COL7A1: variants seen among roughly 807,000 people sequenced by gnomAD.
COL7A1 encodes collagen alpha-1(VII) chain.
A neutral mutation model predicts 456.2 loss-of-function variants in COL7A1; 296 were observed. The ratio of observed to expected loss-of-function variants is 0.65; its 90% confidence interval spans 0.59 to 0.71. The LOEUF is 0.71. COL7A1 is among the 30% of genes least tolerant of loss of function. COL7A1 has a pLI of 0.00. For missense variants in COL7A1, 3,441 were observed against 4,017.2 expected (o/e 0.86, Z 3.88); for synonymous variants, 1,464 against 1,525.9 (o/e 0.96, Z 0.95).
In COL7A1 at chr3:48,592,786, C is replaced by T. The variant is rs777260484; in HGVS notation, c.835G>A (p.Glu279Lys). ...TCCTGACATCCTACCTCCTGCCGCT[C>T]ACTCGGCAGTGGCTGTCCCAGCCCC... ...LTGLGQPLPSERQEVNVPAGE... is the reference protein window; with the variant it reads ...LTGLGQPLPSKRQEVNVPAGE... Residue 279 changes from glutamate (E) to lysine (K), a missense_variant, in exon 7 of 119, where the codon GAG (glutamate) becomes AAG (lysine). Physicochemically the swap from Glu to Lys is moderately conservative, Grantham distance 56. Around this residue, in one of 3 missense-constraint regions of COL7A1, gnomAD observed 913 missense variants for 1,088.2 expected, o/e 0.84. Coordinates refer to ENST00000681320, the MANE Select transcript of COL7A1 (RefSeq NM_000094.4). The surrounding 1 kb of genome is among the most constrained non-coding windows in gnomAD (Gnocchi z 7.6). 1.2e-6 allele frequency: 2 copies of T among 1,613,806 alleles called. No individual in the cohort carries two copies. Among genetic ancestry groups the T allele is most frequent in the South Asian group, 2.2e-5 (2 of 91,080 alleles).
rs2107691767 is a variant in COL7A1, at chr3:48,578,422, A to T, written c.5487+31T>A. On this transcript the variant is annotated intron_variant, in intron 64 of 118. Transcript: ENST00000681320. The surrounding 1 kb of genome is among the most constrained non-coding windows in gnomAD (Gnocchi z 4.7). ...GGATCGGGTGAGGGTAGTAAGGGGG[A>T]AAAGGGGGTAACATGAAAGTCTGGT... The T allele has an allele frequency of 6.2e-7, 1 of 1,613,366 alleles. No homozygotes were observed. Among genetic ancestry groups the T allele is most frequent in the Non-Finnish European group, 8.5e-7 (1 of 1,179,950 alleles).
rs776407277 is a variant in COL7A1 at position 48,580,679 on chromosome 3, G to T, written c.4981-27C>A. On this transcript the variant is annotated intron_variant, in intron 54 of 118. Transcript: ENST00000681320. The surrounding 1 kb of genome is among the most constrained non-coding windows in gnomAD (Gnocchi z 4.5). ...TAAGAAGAGCAGCTGGCCTGAGACA[G>T]ACCCTCCCAATATTTTGCAGGTGCC... The T allele has an allele frequency of 3.2e-5, 52 of 1,612,678 alleles. No homozygotes were observed. Among genetic ancestry groups the T allele is most frequent in the Middle Eastern group, 1.7e-4 (1 of 6,044 alleles).
At position 48,584,958 on chromosome 3, in the gene COL7A1, G is replaced by A. The variant is rs2045128498; in HGVS notation, c.3976-13C>T. 3.1e-6 allele frequency: 5 copies of A among 1,613,728 alleles called. No individual in the cohort carries two copies. The highest frequency in any genetic ancestry group is 4.2e-6 in the Non-Finnish European group (5 of 1,179,990). On this transcript the variant is annotated splice_polypyrimidine_tract_variant and intron_variant, in intron 33 of 118. Transcript: ENST00000681320. ...ACCCTGGAGAGCCCTGCAAATGGAG[G>A]CCAGAGGCAGAACAGTCGGAGCCAC...
Position 48,594,037 on chromosome 3 carries a change from C to G in COL7A1, c.266+331G>C, listed in dbSNP as rs967998331. ...GGCCAGATGGAGCACCTCTGGTGAACGGCTGCAAGGGTTAGAGGGCTAGAA... is the reference window on the plus strand; with the variant it reads ...GGCCAGATGGAGCACCTCTGGTGAAGGGCTGCAAGGGTTAGAGGGCTAGAA... On this transcript the variant is annotated intron_variant, in intron 3 of 118. Transcript: ENST00000681320. The surrounding 1 kb of genome is among the most constrained non-coding windows in gnomAD (Gnocchi z 5.5). Among the ~76,000 whole-genome samples, 5 of 152,316 alleles carry G rather than the reference C, an allele frequency of 3.3e-5. No homozygotes were observed. Among genetic ancestry groups the G allele is most frequent in the Middle Eastern group, 3.4e-3 (1 of 294 alleles).
chr3:48,590,566 G>A lies in COL7A1; in HGVS notation c.1799C>T (p.Ala600Val). Residue 600 changes from alanine (A) to valine (V), a missense_variant, in exon 15 of 119, where the codon GCT becomes GTT. This residue lies in a region of COL7A1 where 913 missense variants were observed against 1,088.2 expected (regional missense o/e 0.84). Coordinates refer to ENST00000681320, the MANE Select transcript of COL7A1 (RefSeq NM_000094.4). The surrounding 1 kb of genome is among the most constrained non-coding windows in gnomAD (Gnocchi z 4.6). ...TVRREPETPLAVPGLRVVVSD... is the reference protein window; with the variant it reads ...TVRREPETPLVVPGLRVVVSD... ...CACCACAACCCGCAGCCCTGGAACAGCAAGTGGAGTTTCCGGCTCTAGGAG... is the reference window on the plus strand; with the variant it reads ...CACCACAACCCGCAGCCCTGGAACAACAAGTGGAGTTTCCGGCTCTAGGAG... 6.2e-7 allele frequency: 1 copy of A among 1,614,182 alleles called. No homozygotes were observed. Among genetic ancestry groups the A allele is most frequent in the Non-Finnish European group, 8.5e-7 (1 of 1,180,040 alleles).
chr3:48,572,681 G>C lies in COL7A1; in HGVS notation c.6890C>G (p.Ala2297Gly), dbSNP rs756323013. 6.2e-7 allele frequency: 1 copy of C among 1,605,124 alleles called. No individual in the cohort carries two copies. Among genetic ancestry groups the C allele is most frequent in the Non-Finnish European group, 8.5e-7 (1 of 1,175,892 alleles). ...AGGGTCAAAGATCACCTGTCCAGGG[G>C]CCCCCGTGGGGCCAGGTTCTCCTTT... ...GPKGEPGPTG[A>G]PGQAVVGLPG... is the part of the protein sequence containing the mutation. Residue 2297 changes from alanine to glycine, a missense_variant, in exon 88 of 119, where the codon GCC becomes GGC. Around this residue, in one of 3 missense-constraint regions of COL7A1, gnomAD observed 2,084 missense variants for 2,501.3 expected, o/e 0.83. Coordinates refer to ENST00000681320, the MANE Select transcript of COL7A1 (RefSeq NM_000094.4). The surrounding 1 kb of genome is among the most constrained non-coding windows in gnomAD (Gnocchi z 4.6).
At position 48,593,361 on chromosome 3, in the gene COL7A1, G is replaced by A. The variant is rs370740757; in HGVS notation, c.515C>T (p.Ala172Val). The A allele has an allele frequency of 1.8e-5, 29 of 1,613,918 alleles. No homozygotes were observed. The highest frequency in any genetic ancestry group is 1.6e-4 in the East Asian group (7 of 44,884). The stretch of plus-strand genomic sequence containing the variant: ...CACTCCTGCTCGGTCCTTACCCACA[G>A]CAAATAGCTTGACCCCCTGCCCCTT... ...RLKGQGVKLF[A>V]VGIKNADPEE... Residue 172 changes from alanine (A) to valine (V), a missense_variant, in exon 5 of 119, where the codon GCT (alanine) becomes GTT (valine). Around this residue, in one of 3 missense-constraint regions of COL7A1, gnomAD observed 913 missense variants for 1,088.2 expected, o/e 0.84. Transcript: ENST00000681320. The surrounding 1 kb of genome is among the most constrained non-coding windows in gnomAD (Gnocchi z 4.4).
rs564364894 is a variant in COL7A1, at chr3:48,588,828, G to A, written c.2441-40C>T. 4 of 1,613,552 alleles carry A rather than the reference G, an allele frequency of 2.5e-6. No homozygotes were observed. The highest frequency in any genetic ancestry group is 2.5e-6 in the Non-Finnish European group (3 of 1,180,038). On this transcript the variant is annotated intron_variant, in intron 19 of 118. Transcript: ENST00000681320. The surrounding 1 kb of genome is among the most constrained non-coding windows in gnomAD (Gnocchi z 4.6). ...ATACAGCAATGGTTAGGGGTGAGCAGTCCCAGCCAGGAAGGACAGGGGTGG... is the reference window on the plus strand; with the variant it reads ...ATACAGCAATGGTTAGGGGTGAGCAATCCCAGCCAGGAAGGACAGGGGTGG...
rs747790197 is a variant in COL7A1, at chr3:48,565,189, G to C, written c.8540C>G (p.Pro2847Arg). The C allele has an allele frequency of 2.7e-5, 43 of 1,613,722 alleles. 3 individuals are homozygous for C. In the South Asian group the frequency reaches 3.5e-4, roughly 13 times the overall value. The change falls in exon 117 of 119, where the codon CCT becomes CGT. Residue 2847 changes from proline to arginine, a missense_variant. Physicochemically the swap from Pro to Arg is moderately radical, Grantham distance 103. This residue lies in a region of COL7A1 where 2,084 missense variants were observed against 2,501.3 expected (regional missense o/e 0.83). Transcript: ENST00000681320. This position sits in a 1 kb window ranked among gnomAD's most constrained non-coding sequence, Gnocchi z 4.5. ...GTATTCAGAGTACTCATCATCCTCA[G>C]GGGGTACCCGCTCTGCAGGTAGGGC... Reference protein sequence around the residue: ...SHAEEEERVPPEDDEYSEYSE... With the variant: ...SHAEEEERVPREDDEYSEYSE...
At position 48,581,162 on chromosome 3, in the gene COL7A1, G is replaced by A. The variant is rs201010613; in HGVS notation, c.4900-5C>T. ...ACCTTTCTCTCCAACTTCACCCTGT[G>A]AAACATGAGAGTCAGCCCTGGTTCC... On this transcript the variant is annotated splice_region_variant and splice_polypyrimidine_tract_variant and intron_variant, in intron 52 of 118. Coordinates refer to ENST00000681320, the MANE Select transcript of COL7A1 (RefSeq NM_000094.4). This position sits in a 1 kb window ranked among gnomAD's most constrained non-coding sequence, Gnocchi z 5.8. The A allele has an allele frequency of 6.2e-7, 1 of 1,613,876 alleles. No individual in the cohort carries two copies. Among genetic ancestry groups the A allele is most frequent in the African/African-American group, 1.3e-5 (1 of 75,036 alleles).
rs2045180281 is a variant in COL7A1, at chr3:48,585,554, C to T, written c.3894+3G>A. On this transcript the variant is annotated splice_donor_region_variant and intron_variant, in intron 32 of 118. Coordinates refer to ENST00000681320, the MANE Select transcript of COL7A1 (RefSeq NM_000094.4). The surrounding 1 kb of genome is among the most constrained non-coding windows in gnomAD (Gnocchi z 4.5). ...GAGAAACCTCGATGGTCTCCACACT[C>T]ACCCTCTCGCCCTTGGCAGTGGCAC... 1.9e-6 allele frequency: 3 copies of T among 1,613,750 alleles called. No homozygotes were observed. The highest frequency in any genetic ancestry group is 2.5e-6 in the Non-Finnish European group (3 of 1,179,982).
rs777639695 is a variant in COL7A1, at chr3:48,586,984, T to C, written c.3264A>G (p.Pro1088=). Residue 1088 remains proline, a synonymous_variant, in exon 25 of 119, where the codon CCA becomes CCG. Coordinates refer to ENST00000681320, the MANE Select transcript of COL7A1 (RefSeq NM_000094.4). This position sits in a 1 kb window ranked among gnomAD's most constrained non-coding sequence, Gnocchi z 5.1. The part of the protein sequence containing the change: ...RLVLALGPLG[P]QAVQVGLLSY... ...CCCAGGGCCAAACCTGAACTGCCTG[T>C]GGCCCAAGAGGCCCAAGTGCCAACA... The C allele has an allele frequency of 4.8e-5, 77 of 1,595,940 alleles. No individual in the cohort carries two copies. The highest frequency in any genetic ancestry group is 6.2e-5 in the Non-Finnish European group (73 of 1,171,602).
chr3:48,592,527 G>T lies in COL7A1; in HGVS notation c.976+43C>A, dbSNP rs369861206. The T allele has an allele frequency of 1.2e-6, 2 of 1,613,412 alleles. No homozygotes were observed. Among genetic ancestry groups the T allele is most frequent in the Non-Finnish European group, 1.7e-6 (2 of 1,179,990 alleles). Reference sequence around the variant, plus strand: ...AGAAGTGGGAGGGGGTACTGGGGTCGGGGGTTAGGTGAATGGGGTCAGAGG... The same window carrying T: ...AGAAGTGGGAGGGGGTACTGGGGTCTGGGGTTAGGTGAATGGGGTCAGAGG... On this transcript the variant is annotated intron_variant, in intron 8 of 118. Coordinates refer to ENST00000681320, the MANE Select transcript of COL7A1 (RefSeq NM_000094.4). The surrounding 1 kb of genome is among the most constrained non-coding windows in gnomAD (Gnocchi z 7.6).
Position 48,581,605 on chromosome 3 carries a change from C to G in COL7A1, c.4750G>C (p.Asp1584His). ...CCAGGGTCTCCCTTGGGGCCAGGGT[C>G]TCCAGGAAGAACCAAGCCGGGTGGG... ...RGPPGLVLPG[D>H]PGPKGDPGDR... The change falls in exon 50 of 119, where the codon GAC becomes CAC. Residue 1584 changes from aspartate (D) to histidine (H), a missense_variant. By Grantham distance (81) the Asp-to-His change is moderately conservative (BLOSUM62 -1). This residue lies in a region of COL7A1 where 2,084 missense variants were observed against 2,501.3 expected (regional missense o/e 0.83). Coordinates refer to ENST00000681320, the MANE Select transcript of COL7A1 (RefSeq NM_000094.4). The surrounding 1 kb of genome is among the most constrained non-coding windows in gnomAD (Gnocchi z 5.8). 1.2e-6 allele frequency: 2 copies of G among 1,614,192 alleles called. No individual in the cohort carries two copies. The highest frequency in any genetic ancestry group is 1.7e-6 in the Non-Finnish European group (2 of 1,180,032).
At position 48,568,205 on chromosome 3, in the gene COL7A1, G is replaced by C; in HGVS notation, c.7795-35C>G. On this transcript the variant is annotated intron_variant, in intron 105 of 118. Coordinates refer to ENST00000681320, the MANE Select transcript of COL7A1 (RefSeq NM_000094.4). This position sits in a 1 kb window ranked among gnomAD's most constrained non-coding sequence, Gnocchi z 5.2. ...AGAGGGTCCATGTGAGGTCAGAGGA[G>C]GTCAGTGAGGGACCAAAGAGAATCG... 1.2e-6 allele frequency: 2 copies of C among 1,604,150 alleles called. No individual in the cohort carries two copies. The highest frequency in any genetic ancestry group is 8.5e-7 in the Non-Finnish European group (1 of 1,175,346).
In COL7A1 at chr3:48,586,210, T is replaced by C. The variant is rs2045246141; in HGVS notation, c.3587A>G (p.Asp1196Gly). 2.5e-6 allele frequency: 4 copies of C among 1,613,342 alleles called. No homozygotes were observed. Among genetic ancestry groups the C allele is most frequent in the African/African-American group, 2.7e-5 (2 of 74,924 alleles). The change falls in exon 28 of 119, where the codon GAC (aspartate) becomes GGC (glycine). Residue 1196 changes from aspartate to glycine, a missense_variant. By Grantham distance (94) the Asp-to-Gly change is moderately conservative. Coordinates refer to ENST00000681320, the MANE Select transcript of COL7A1 (RefSeq NM_000094.4). This position sits in a 1 kb window ranked among gnomAD's most constrained non-coding sequence, Gnocchi z 5.1. ...NVVMLGMAGA[D>G]PEQLRRLAPG... ...CGCCAAGCGACGCAGCTGCTCTGGGTCCGCTCCAGCCATTCCCAACATCAC... is the reference window on the plus strand; with the variant it reads ...CGCCAAGCGACGCAGCTGCTCTGGGCCCGCTCCAGCCATTCCCAACATCAC...
chr3:48,585,690 C>T lies in COL7A1; in HGVS notation c.3831G>A (p.Pro1277=), dbSNP rs369349097. 19 of 1,613,876 alleles carry T rather than the reference C, an allele frequency of 1.2e-5. No homozygotes were observed. The highest frequency in any genetic ancestry group is 3.3e-5 in the South Asian group (3 of 91,094). Reference sequence around the variant, plus strand: ...AGGGACAGATGTGGGGGACACTCACCGGGAGGCCAGGGTCGCCAGGAGGCC... The same window carrying T: ...AGGGACAGATGTGGGGGACACTCACTGGGAGGCCAGGGTCGCCAGGAGGCC... ...QVGPPGDPGL[P]GRTGAPGPQG... The change falls in exon 31 of 119, where the codon CCG becomes CCA. Residue 1277 remains proline (P), a splice_region_variant and synonymous_variant. Coordinates refer to ENST00000681320, the MANE Select transcript of COL7A1 (RefSeq NM_000094.4). This position sits in a 1 kb window ranked among gnomAD's most constrained non-coding sequence, Gnocchi z 4.5.
chr3:48,571,650 C>A lies in COL7A1; in HGVS notation c.7068+351G>T. On this transcript the variant is annotated intron_variant, in intron 92 of 118. Coordinates refer to ENST00000681320, the MANE Select transcript of COL7A1 (RefSeq NM_000094.4). The surrounding 1 kb of genome is among the most constrained non-coding windows in gnomAD (Gnocchi z 4.6). ...GGCATGGCCACAGGCTGAACGCTGG[C>A]AGCCAGGGGCAGGGGAAAGGAGGAT... The A allele has an allele frequency of 1.5e-6, 1 of 652,148 alleles. No individual in the cohort carries two copies. The highest frequency in any genetic ancestry group is 2.9e-6 in the Non-Finnish European group (1 of 343,454). The allele number at this position is 652,148 out of a possible 1,614,324, so 40.4% of individuals were successfully genotyped here. A position where few individuals can be genotyped will look rare whatever the true frequency, so the allele number is the denominator to read the frequency against.
rs115796392 is a variant in COL7A1 at position 48,585,247 on chromosome 3, G to T, written c.3895-131C>A. The T allele has an allele frequency of 1.2e-3, 1,070 of 917,254 alleles. 11 individuals carry two copies. The African/African-American group carries it at 0.017, about 14-fold the overall frequency. The allele number at this position is 917,254 out of a possible 1,614,324, so 56.8% of individuals were successfully genotyped here. A position where few individuals can be genotyped will look rare whatever the true frequency, so the allele number is the denominator to read the frequency against. The stretch of plus-strand genomic sequence containing the variant: ...CCCAAGTGTTATTGGGGGTGGAACA[G>T]TGAGGCAGAGAAATGGCCCCTCAGA... On this transcript the variant is annotated intron_variant, in intron 32 of 118. Coordinates refer to ENST00000681320, the MANE Select transcript of COL7A1 (RefSeq NM_000094.4). This position sits in a 1 kb window ranked among gnomAD's most constrained non-coding sequence, Gnocchi z 4.5.
Sources: allele counts gnomAD v4.1 joint callset (sites outside exome capture counted in the v4.1 genomes callset), GRCh38; gene constraint gnomAD v4.1.1; regional missense constraint gnomAD v4.1.1; non-coding constraint Gnocchi (gnomAD v3.1); transcripts MANE v1.5; gene names NCBI Gene and HGNC (gene_info 2026-07-23, HGNC 2026-07-21).